PALM2AKAP2: variants seen among roughly 807,000 people sequenced by gnomAD.
PALM2AKAP2 encodes PALM2 and AKAP2 fusion, also known as PALM2-AKAP2 fusion protein.
PALM2AKAP2 carries 37 observed loss-of-function variants against 71.5 expected under a neutral mutation model. That is an observed-to-expected ratio of 0.52 (90% CI 0.40 to 0.68). PALM2AKAP2 has a LOEUF of 0.68. Among genes scored for constraint, PALM2AKAP2 ranks in the 30% least tolerant of loss-of-function variants. The pLI is 0.00. For synonymous variants in PALM2AKAP2, 468 were observed against 478.8 expected, an observed-to-expected ratio of 0.98 and a Z score of 0.29; for missense variants, 1,224 against 1,191.8, an observed-to-expected ratio of 1.03 and a Z score of -0.40.
At chr9:109,804,240 G>C (rs1472479881) in intron 1 of PALM2AKAP2, among the ~76,000 whole-genome samples, 4 of 152,094 alleles carry the variant, frequency 2.6e-5, no homozygotes, top group African/African-American at 9.7e-5. Flanking sequence ...ACAAAACAGA[G>C]CATGGCATGG....
At chr9:110,021,159 G>T (rs891219391) in intron 7 of PALM2AKAP2, among the ~76,000 whole-genome samples, 1 of 152,068 alleles carries the variant, frequency 6.6e-6, no homozygotes. Context: ...TACCAGATGG[G>T]CCCTAAATCC....
At chr9:109,906,470 A>AT (rs1178283846) in intron 3 of PALM2AKAP2, among the ~76,000 whole-genome samples, 1 of 152,232 alleles carries the variant, frequency 6.6e-6, no homozygotes, top group African/African-American at 2.4e-5. Context: ...AAGTGCTGAG[A>AT]TTACAGGCAT....
At chr9:109,841,137 C>T (rs577378900) in intron 1 of PALM2AKAP2, among the ~76,000 whole-genome samples, 15 of 152,080 alleles carry the variant, frequency 9.9e-5, no homozygotes, top group Non-Finnish European at 1.6e-4. Flanking sequence ...CAATGATAGA[C>T]TGGATTAAGA....
intron 1 of PALM2AKAP2, among the ~76,000 whole-genome samples, chr9:109,820,730 A>C (rs1194591984): frequency 6.6e-6 from 1 of 152,200 alleles, no homozygotes; most frequent in East Asian, 1.9e-4. Flanking sequence ...CGTTGGGAGA[A>C]TCCATGGGTT....
At chr9:109,945,829 A>G (rs1831490594) in intron 6 of PALM2AKAP2, 1 of 152,236 alleles carries the variant, frequency 6.6e-6, no homozygotes, top group Non-Finnish European at 1.5e-5. Context: ...TCATACAGAA[A>G]ATGATCTGCA....
At chr9:109,922,963 A>G (rs1443679209) in intron 3 of PALM2AKAP2, among the ~76,000 whole-genome samples, 1 of 152,260 alleles carries the variant, frequency 6.6e-6, no homozygotes, top group African/African-American at 2.4e-5. Flanking sequence ...AATAATCCAC[A>G]TGAATTCTTA....
rs1266264370 is a variant in PALM2AKAP2 at position 110,100,010 on chromosome 9, G to A, written c.157-36117G>A. 2.8e-5 allele frequency among the ~76,000 whole-genome samples: 4 copies of A among 143,966 alleles called. No individual in the cohort carries two copies. The East Asian group carries it at 6.1e-4, about 22-fold the overall frequency. The allele number at this position is 143,966 out of a possible 152,430, so 94.4% of individuals were successfully genotyped here. ...ACACATATAACATGCATATATATAT[G>A]TGTGTGTGTGTCTTAAACATATATG... On this transcript the variant is annotated intron_variant, in intron 1 of 3. Transcript: ENST00000374525.
intron 1 of PALM2AKAP2, among the ~76,000 whole-genome samples, chr9:109,719,336 C>T (rs1203358595): frequency 1.3e-5 from 2 of 152,140 alleles, no homozygotes; most frequent in Non-Finnish European, 2.9e-5. Flanking sequence ...AGTCTACTTC[C>T]AGTTTCTCAG....
intron 1 of PALM2AKAP2, among the ~76,000 whole-genome samples, chr9:110,055,623 A>C (rs752251672): frequency 3.7e-4 from 56 of 152,328 alleles, no homozygotes; most frequent in Non-Finnish European, 6.6e-4. Context: ...AGTCTTCAAA[A>C]TATGAATTTT....
At chr9:109,854,763 C>CTTTAT (rs1829112011) in intron 1 of PALM2AKAP2, among the ~76,000 whole-genome samples, 3 of 66,158 alleles carry the variant, frequency 4.5e-5, no homozygotes, top group African/African-American at 1.9e-4. Context: ...AAGAATGTAT[C>CTTTAT]TTTTTTTTTT....
chr9:109,956,205 A>G (rs1464492869), intron 6 of PALM2AKAP2, among the ~76,000 whole-genome samples: 1 of 151,962 alleles, frequency 6.6e-6, no homozygotes, highest in Non-Finnish European at 1.5e-5. Context: ...GGGTTTCGCT[A>G]TGTTGGCCAG....
chr9:110,076,781 G>T (rs1346446880), intron 1 of PALM2AKAP2, among the ~76,000 whole-genome samples: 1 of 152,082 alleles, frequency 6.6e-6, no homozygotes, highest in Non-Finnish European at 1.5e-5. Flanking sequence ...TCCGAGTTTT[G>T]TGTGTTGAGC....
intron 6 of PALM2AKAP2, among the ~76,000 whole-genome samples, chr9:109,937,930 A>G (rs541355303): frequency 2.6e-5 from 4 of 152,346 alleles, no homozygotes; most frequent in East Asian, 3.9e-4. Context: ...CCTCATCATT[A>G]TACAAATTGT....
In PALM2AKAP2 at chr9:109,956,944, T is replaced by C. The variant is rs145513730; in HGVS notation, c.496+24916T>C. Among the ~76,000 whole-genome samples the C allele has an allele frequency of 5.3e-3, 813 of 152,220 alleles. 5 individuals are homozygous for C. Among genetic ancestry groups the C allele is most frequent in the African/African-American group, 0.019 (780 of 41,520 alleles). ...TCCCAATTCCTCGTTTCAAAGAGAC[T>C]AGGGTTAGAAATAGAAAGTGACTTG... On this transcript the variant is annotated intron_variant, in intron 6 of 9. Transcript: ENST00000302798.
intron 1 of PALM2AKAP2, among the ~76,000 whole-genome samples, chr9:109,787,326 T>A (rs1410617437): frequency 6.6e-6 from 1 of 152,210 alleles, no homozygotes; most frequent in Non-Finnish European, 1.5e-5. Context: ...CTATTTATAA[T>A]AAGCAAACCA....
chr9:110,014,810 A>ATAT (rs1373982416), intron 6 of PALM2AKAP2, among the ~76,000 whole-genome samples: 2 of 8,230 alleles, frequency 2.4e-4, no homozygotes. Context: ...AAAAATGTAT[A>ATAT]TATATATATA....
chr9:110,090,499 A>G (rs998828111), intron 1 of PALM2AKAP2: 2 of 451,878 alleles, frequency 4.4e-6, no homozygotes, highest in Non-Finnish European at 8.9e-6. Flanking sequence ...TCATTAAGGC[A>G]CATTTCTCTT....
chr9:109,855,630 T>C (rs1829142439), intron 1 of PALM2AKAP2, among the ~76,000 whole-genome samples: 1 of 152,214 alleles, frequency 6.6e-6, no homozygotes, highest in Non-Finnish European at 1.5e-5. Context: ...CTATATTTTC[T>C]CATGTTTTCA....
intron 1 of PALM2AKAP2, among the ~76,000 whole-genome samples, chr9:109,852,360 G>T (rs1191021664): frequency 3.9e-5 from 6 of 152,136 alleles, no homozygotes; most frequent in Non-Finnish European, 8.8e-5. Context: ...TTGCTGCAAA[G>T]AACATGATTT....
Sources: allele counts gnomAD v4.1 joint callset (sites outside exome capture counted in the v4.1 genomes callset), GRCh38; gene constraint gnomAD v4.1.1; transcripts MANE v1.5; gene names NCBI Gene and HGNC (gene_info 2026-07-23, HGNC 2026-07-21).